RELN: variants seen among roughly 807,000 people sequenced by gnomAD.
The protein encoded by RELN is reelin.
RELN carries 108 observed loss-of-function variants against 427.6 expected under a neutral mutation model. The ratio of observed to expected loss-of-function variants is 0.25; its 90% CI spans 0.22 to 0.30. The LOEUF is 0.30. Ranked by LOEUF, RELN falls within the 10% of genes least tolerant of loss-of-function variation. RELN has a pLI of 1.00. For synonymous variants in RELN, 1,524 were observed against 1,513.4 expected (o/e 1.01, Z -0.16); for missense variants, 3,715 against 4,302.8 (o/e 0.86, Z 3.82).
At chr7:103,489,297 A>G (rs906786605) in intron 60 of RELN, among the ~76,000 whole-genome samples, 2 of 151,998 alleles carry the variant, frequency 1.3e-5, no homozygotes, top group Non-Finnish European at 2.9e-5. Context: ...GAACAGTGGC[A>G]GCTGCTGCTG....
chr7:103,925,064 T>C (rs1436582064), intron 1 of RELN, among the ~76,000 whole-genome samples: 2 of 150,780 alleles, frequency 1.3e-5, no homozygotes, highest in African/African-American at 4.9e-5. Flanking sequence ...TCTAAAAATA[T>C]TAACCTTGAG....
chr7:103,949,829 T>C (rs1796299852), intron 1 of RELN, among the ~76,000 whole-genome samples: 1 of 152,170 alleles, frequency 6.6e-6, no homozygotes, highest in Non-Finnish European at 1.5e-5. Context: ...ACATACTCTA[T>C]ACTCAGCACT....
intron 20 of RELN, among the ~76,000 whole-genome samples, chr7:103,619,831 C>T (rs1009553327): frequency 1.2e-4 from 18 of 151,942 alleles, no homozygotes; most frequent in African/African-American, 3.9e-4. Flanking sequence ...TTGTGGTGCC[C>T]GCCCATCTTT....
At chr7:103,833,284 T>A (rs1747009968) in intron 3 of RELN, among the ~76,000 whole-genome samples, 2 of 152,182 alleles carry the variant, frequency 1.3e-5, no homozygotes, top group South Asian at 4.1e-4. Flanking sequence ...ATTCACTTAC[T>A]TTTATTTTAT....
chr7:103,738,133 G>GT (rs1362535683), intron 6 of RELN, among the ~76,000 whole-genome samples: 1 of 149,240 alleles, frequency 6.7e-6, no homozygotes, highest in Non-Finnish European at 1.5e-5. Context: ...TTATCATTGT[G>GT]TTTTTTAATA....
chr7:103,891,448 G>C (rs1166033802), intron 2 of RELN, among the ~76,000 whole-genome samples: 1 of 152,052 alleles, frequency 6.6e-6, no homozygotes, highest in South Asian at 2.1e-4. Flanking sequence ...CTCTACATCA[G>C]GCTCAGTATT....
At chr7:103,765,519 TATTA>T (rs1278234348) in intron 4 of RELN, among the ~76,000 whole-genome samples, 2 of 152,242 alleles carry the variant, frequency 1.3e-5, no homozygotes, top group African/African-American at 2.4e-5. Context: ...AAAAAATCTA[TATTA>T]ATTGTTACAT....
intron 28 of RELN, among the ~76,000 whole-genome samples, chr7:103,584,122 T>G (rs1196254874): frequency 6.6e-6 from 1 of 152,212 alleles, no homozygotes; most frequent in Non-Finnish European, 1.5e-5. Flanking sequence ...CCAAAGGTAC[T>G]GCAAGGTCCC....
intron 6 of RELN, among the ~76,000 whole-genome samples, chr7:103,737,111 A>AGTG (rs1401144608): frequency 2.1e-5 from 3 of 140,384 alleles, no homozygotes; most frequent in Non-Finnish European, 3.0e-5. Context: ...CCAAATATTA[A>AGTG]ATGATAATTC....
At chr7:103,564,455 A>G (rs890423930) in intron 34 of RELN, among the ~76,000 whole-genome samples, 29 of 152,322 alleles carry the variant, frequency 1.9e-4, no homozygotes, top group Non-Finnish European at 4.4e-5. Context: ...GGACACAGGG[A>G]GGAAGTGTTG....
In RELN at chr7:103,510,882, G is replaced by A. The variant is rs1361140202; in HGVS notation, c.8243C>T (p.Thr2748Ile). Residue 2748 changes from threonine (T) to isoleucine (I), a missense_variant, in exon 51 of 65, where the codon ACT becomes ATT. By Grantham distance (89) the Thr-to-Ile change is moderately conservative. Transcript: ENST00000428762. The part of the protein sequence containing the change: ...REVYAVTHDL[T>I]PTEGWIMQFK... ...TTGCATAATCCAGCCTTCAGTGGGA[G>A]TCAGGTCATGGGTCACTGCATACAC... 1.2e-6 allele frequency: 2 copies of A among 1,613,626 alleles called. No homozygotes were observed. Among genetic ancestry groups the A allele is most frequent in the Admixed American group, 1.7e-5 (1 of 59,976 alleles).
chr7:103,618,699 C>T (rs1396722563), intron 20 of RELN, among the ~76,000 whole-genome samples: 1 of 152,130 alleles, frequency 6.6e-6, no homozygotes, highest in Non-Finnish European at 1.5e-5. Flanking sequence ...TTCCCATTCC[C>T]ATTCTCTCAG....
intron 2 of RELN, among the ~76,000 whole-genome samples, chr7:103,894,451 G>A (rs772330688): frequency 8.6e-5 from 13 of 152,004 alleles, no homozygotes; most frequent in Non-Finnish European, 1.6e-4. Flanking sequence ...CAGTACCCAC[G>A]CCTTCATTAG....
chr7:103,548,415 G>C (rs750822591), intron 41 of RELN, among the ~76,000 whole-genome samples: 14 of 152,208 alleles, frequency 9.2e-5, no homozygotes, highest in Non-Finnish European at 1.6e-4. Context: ...GGTTCACTGA[G>C]TTGGAGAAAA....
chr7:103,961,671 G>C lies in RELN; in HGVS notation c.226+27460C>G, dbSNP rs565003551. Reference sequence around the variant, plus strand: ...AGTCTAGGCTTTAGAAACCATCCTCGTGGGTCTGAATTCTGCTCTGCCTCT... The same window carrying C: ...AGTCTAGGCTTTAGAAACCATCCTCCTGGGTCTGAATTCTGCTCTGCCTCT... On this transcript the variant is annotated intron_variant, in intron 1 of 64. Coordinates refer to ENST00000428762, the MANE Select transcript of RELN (RefSeq NM_005045.4). Among the ~76,000 whole-genome samples, 20 of 152,288 alleles carry C rather than the reference G, an allele frequency of 1.3e-4. No homozygotes were observed. In the South Asian group the frequency reaches 4.1e-3, roughly 32 times the overall value.
In RELN at chr7:103,665,360, GTGTA is replaced by G. The variant is rs1216514270; in HGVS notation, c.1290-3837_1290-3834del. On this transcript the variant is annotated intron_variant, in intron 11 of 64. Coordinates refer to ENST00000428762, the MANE Select transcript of RELN (RefSeq NM_005045.4). ...ATGGTGTGTGTGTGTGTGTGTGTGT[GTGTA>G]TATATATATATATATATAAAATCTG... 2.9e-3 allele frequency among the ~76,000 whole-genome samples: 409 copies of G among 142,174 alleles called. 1 individual carries two copies. The highest frequency in any genetic ancestry group is 0.01 in the African/African-American group (373 of 36,958). The allele number at this position is 142,174 out of a possible 152,430, so 93.3% of individuals were successfully genotyped here.
intron 1 of RELN, among the ~76,000 whole-genome samples, chr7:103,979,979 T>G (rs1796957931): frequency 6.6e-6 from 1 of 152,120 alleles, no homozygotes; most frequent in Non-Finnish European, 1.5e-5. Context: ...CTGACCAACA[T>G]GGAGAAACCC....
At chr7:103,842,712 A>G (rs1257986973) in intron 2 of RELN, among the ~76,000 whole-genome samples, 2 of 152,234 alleles carry the variant, frequency 1.3e-5, no homozygotes, top group Non-Finnish European at 2.9e-5. Context: ...AAGAAGCCAA[A>G]AAGCACTAAA....
intron 6 of RELN, among the ~76,000 whole-genome samples, chr7:103,736,813 T>C (rs190325185): frequency 7.9e-5 from 12 of 152,300 alleles, no homozygotes; most frequent in South Asian, 2.1e-4. Context: ...AATAAACCTC[T>C]AGATTCACAC....
Sources: allele counts gnomAD v4.1 joint callset (sites outside exome capture counted in the v4.1 genomes callset), GRCh38; gene constraint gnomAD v4.1.1; transcripts MANE v1.5; gene names NCBI Gene and HGNC (gene_info 2026-07-23, HGNC 2026-07-21).